Variants in SOX6 observed in about 807,000 individuals in gnomAD.
The protein encoded by SOX6 is SRY-box transcription factor 6, also known as transcription factor SOX-6.
A neutral mutation model predicts 97.8 loss-of-function variants in SOX6; 11 were observed. The ratio of observed to expected loss-of-function variants is 0.11; its 90% CI spans 0.07 to 0.19. The LOEUF is 0.19. SOX6 is among the 10% of genes least tolerant of loss of function. The pLI, the probability that SOX6 is intolerant of heterozygous loss-of-function variation, is 1.00. For missense variants in SOX6, 810 were observed against 1,039.5 expected (o/e 0.78, Z 3.04); for synonymous variants, 360 against 371.4 (o/e 0.97, Z 0.35).
chr11:16,125,447 A>G (rs942849032), intron 6 of SOX6, among the ~76,000 whole-genome samples: 7 of 152,138 alleles, frequency 4.6e-5, no homozygotes, highest in African/African-American at 1.7e-4. Context: ...AAAGATCGAT[A>G]TATACAAACT....
chr11:16,375,487 A>G lies in SOX6; in HGVS notation c.-4-34235T>C, dbSNP rs556435579. Among the ~76,000 whole-genome samples, 3 of 152,018 alleles carry G rather than the reference A, an allele frequency of 2.0e-5. No homozygotes were observed. The South Asian group carries it at 6.2e-4, about 32-fold the overall frequency. On this transcript the variant is annotated intron_variant, in intron 1 of 15. Transcript: ENST00000396356. The stretch of plus-strand genomic sequence containing the variant: ...CAGATCTTGAAACTTCAAAGCACTA[A>G]GTGTTGTACAGAAAAGAAAAAAAAA...
At chr11:16,225,524 G>A (rs1852662130) in intron 4 of SOX6, among the ~76,000 whole-genome samples, 1 of 150,290 alleles carries the variant, frequency 6.7e-6, no homozygotes, top group South Asian at 2.1e-4. Flanking sequence ...GGCAATGCAT[G>A]GAATAAGCAA....
intron 3 of SOX6, among the ~76,000 whole-genome samples, chr11:16,287,268 TCTCTCTCTCTCTC>T (rs1369205674): frequency 4.1e-3 from 6 of 1,464 alleles, no homozygotes; most frequent in African/African-American, 5.8e-3. Flanking sequence ...TCTCTCTCTC[TCTCTCTCTCTCTC>T]TCTCTCTCTC....
intron 13 of SOX6, among the ~76,000 whole-genome samples, chr11:16,005,738 A>C (rs958352728): frequency 4.6e-5 from 7 of 152,032 alleles, no homozygotes; most frequent in Non-Finnish European, 8.8e-5. Flanking sequence ...TCTAATATAA[A>C]TTTAAAATGA....
At chr11:16,197,795 C>A (rs1356647) in intron 4 of SOX6, among the ~76,000 whole-genome samples, 87,137 of 151,976 alleles carry the variant, frequency 0.57, 25,702 homozygotes, top group East Asian at 0.75. Flanking sequence ...ACAGTTAAAG[C>A]CTGGGTCCAG....
chr11:16,070,401 T>A (rs1354390789), intron 9 of SOX6, among the ~76,000 whole-genome samples: 4 of 152,004 alleles, frequency 2.6e-5, no homozygotes, highest in Admixed American at 6.6e-5. Context: ...ATCCATCAGA[T>A]AACAAATCAC....
At chr11:16,040,545 CTATCGCAAGTATAAATA>C (rs887865964) in intron 12 of SOX6, among the ~76,000 whole-genome samples, 4 of 152,032 alleles carry the variant, frequency 2.6e-5, no homozygotes, top group African/African-American at 9.7e-5. Context: ...TAAAAAAACA[CTATCGCAAGTATAAATA>C]TAGCTATTCA....
intron 3 of SOX6, among the ~76,000 whole-genome samples, chr11:16,289,766 G>A (rs1321423662): frequency 6.6e-6 from 1 of 151,970 alleles, no homozygotes; most frequent in Non-Finnish European, 1.5e-5. Context: ...AATAAAAGCA[G>A]AAGTTGATTG....
intron 2 of SOX6, among the ~76,000 whole-genome samples, chr11:16,722,875 G>A (rs1848277676): frequency 6.6e-6 from 1 of 152,172 alleles, no homozygotes; most frequent in Non-Finnish European, 1.5e-5. Flanking sequence ...CATGCTGCTG[G>A]TGGGAGCGTA....
chr11:16,689,843 T>G (rs1394320362), intron 3 of SOX6, among the ~76,000 whole-genome samples: 1 of 152,128 alleles, frequency 6.6e-6, no homozygotes, highest in Non-Finnish European at 1.5e-5. Context: ...TTTCTATATT[T>G]AATGAGTTTT....
intron 9 of SOX6, among the ~76,000 whole-genome samples, chr11:16,059,178 A>G (rs1847889350): frequency 6.6e-6 from 1 of 152,092 alleles, no homozygotes; most frequent in Admixed American, 6.6e-5. Context: ...GAAGGTTTAC[A>G]CCTATAATCC....
intron 3 of SOX6, among the ~76,000 whole-genome samples, chr11:16,245,312 T>C (rs1254416776): frequency 6.6e-6 from 1 of 151,786 alleles, no homozygotes; most frequent in Non-Finnish European, 1.5e-5. Context: ...TATAGTTTCA[T>C]TCATTTTACA....
intron 15 of SOX6, among the ~76,000 whole-genome samples, chr11:15,975,373 A>C (rs1429134717): frequency 1.3e-5 from 2 of 152,212 alleles, no homozygotes; most frequent in Non-Finnish European, 2.9e-5. Context: ...CCTTAATCAC[A>C]TTATGAGTGT....
intron 7 of SOX6, among the ~76,000 whole-genome samples, chr11:16,106,844 T>A (rs959028097): frequency 6.6e-6 from 1 of 152,022 alleles, no homozygotes; most frequent in African/African-American, 2.4e-5. Flanking sequence ...AAATGATATA[T>A]CTGATAAGGT....
intron 4 of SOX6, among the ~76,000 whole-genome samples, chr11:16,528,956 C>A (rs550097566): frequency 1.3e-5 from 2 of 152,112 alleles, no homozygotes; most frequent in African/African-American, 4.8e-5. Flanking sequence ...TGGTCTCCTA[C>A]CTTATGGGCA....
intron 4 of SOX6, among the ~76,000 whole-genome samples, chr11:16,190,695 T>C (rs1357941986): frequency 1.3e-5 from 2 of 152,174 alleles, no homozygotes; most frequent in South Asian, 2.1e-4. Flanking sequence ...TTGGGGATCA[T>C]ATATATAGCC....
At chr11:16,673,337 T>C (rs536209334) in intron 3 of SOX6, among the ~76,000 whole-genome samples, 2 of 151,650 alleles carry the variant, frequency 1.3e-5, no homozygotes, top group South Asian at 2.1e-4. Context: ...TTTGAAAATA[T>C]AAACAAAATT....
chr11:16,573,733 C>T (rs531605538), intron 4 of SOX6, among the ~76,000 whole-genome samples: 1 of 152,262 alleles, frequency 6.6e-6, no homozygotes, highest in South Asian at 2.1e-4. Flanking sequence ...AATTTCCAGA[C>T]TTGTGTAACA....
At chr11:16,060,361 T>A (rs1030831591) in intron 9 of SOX6, among the ~76,000 whole-genome samples, 1 of 151,866 alleles carries the variant, frequency 6.6e-6, no homozygotes, top group African/African-American at 2.4e-5. Flanking sequence ...TCTTGTGAGT[T>A]GTGATTACTG....
Sources: allele counts gnomAD v4.1 joint callset (sites outside exome capture counted in the v4.1 genomes callset), GRCh38; gene constraint gnomAD v4.1.1; transcripts MANE v1.5; gene names NCBI Gene and HGNC (gene_info 2026-07-23, HGNC 2026-07-21).